NT5C2: variants seen among roughly 807,000 people sequenced by gnomAD.
The protein encoded by NT5C2 is cytosolic purine 5'-nucleotidase.
Under a neutral mutation model 76.1 loss-of-function variants are expected in NT5C2, and 58 were observed. That is an observed-to-expected ratio of 0.76 (90% confidence interval 0.62 to 0.95). The LOEUF (loss-of-function observed/expected upper bound fraction) is 0.95, where lower values mean the gene tolerates loss of function less well. Among genes scored for constraint, NT5C2 ranks in the 40% least tolerant of loss-of-function variants. The pLI, the probability that NT5C2 is intolerant of heterozygous loss-of-function variation, is 0.00. For missense variants in NT5C2, 478 were observed against 690.3 expected, an observed-to-expected ratio of 0.69 and a Z score of 3.45; for synonymous variants, 229 against 237.4, an observed-to-expected ratio of 0.96 and a Z score of 0.32.
At chr10:103,095,819 G>C in intron 12 of NT5C2, 120 bp downstream of exon 12, 1 of 804,028 alleles carries the variant, frequency 1.2e-6, no homozygotes, top group Non-Finnish European at 2.1e-6. Flanking sequence ...TAGACAATAG[G>C]CTTAAAAAGT....
At chr10:103,097,102 T>C (rs1433536793) in intron 11 of NT5C2, among the ~76,000 whole-genome samples, 189 bp downstream of exon 11, 2 of 152,168 alleles carry the variant, frequency 1.3e-5, no homozygotes, top group African/African-American at 4.8e-5. Context: ...GTGAAAATGG[T>C]TAAAATAAAT....
chr10:103,172,044 T>A (rs1398562019), intron 3 of NT5C2, among the ~76,000 whole-genome samples: 1 of 151,824 alleles, frequency 6.6e-6, no homozygotes, highest in African/African-American at 2.4e-5. Context: ...ACCCTGTCTC[T>A]ACTAAAAATT....
At chr10:103,125,232 TC>T in intron 4 of NT5C2, 4 of 773,852 alleles carry the variant, frequency 5.2e-6, no homozygotes, top group African/African-American at 1.7e-5. Flanking sequence ...ACTACAATTT[TC>T]CCAGCTCTGT....
At chr10:103,143,994 C>T (rs915422543) in intron 3 of NT5C2, among the ~76,000 whole-genome samples, 2 of 152,088 alleles carry the variant, frequency 1.3e-5, no homozygotes, top group Non-Finnish European at 2.9e-5. Context: ...CTCCAGCCCC[C>T]AAACATATCA....
intron 4 of NT5C2, among the ~76,000 whole-genome samples, chr10:103,128,982 G>C (rs1299975068): frequency 5.4e-5 from 6 of 111,336 alleles, no homozygotes; most frequent in East Asian, 3.5e-4. Flanking sequence ...GGTAGGGGGG[G>C]GTCAACCCCC....
At chr10:103,111,832 C>CA (rs1220326178) in intron 4 of NT5C2, 5 of 1,225,636 alleles carry the variant, frequency 4.1e-6, no homozygotes, top group African/African-American at 1.6e-5. Context: ...AGCAACAAAA[C>CA]AAAACAAAAA....
intron 3 of NT5C2, among the ~76,000 whole-genome samples, chr10:103,164,258 C>CT (rs953099909): frequency 2.3e-4 from 34 of 148,744 alleles, no homozygotes; most frequent in Middle Eastern, 3.5e-3. Flanking sequence ...AAAAACAATG[C>CT]TTTTTTTTTT....
At chr10:103,183,283 A>ATTT (rs1367860799) in intron 1 of NT5C2, among the ~76,000 whole-genome samples, 1,482 of 130,330 alleles carry the variant, frequency 0.011, 31 homozygotes, top group South Asian at 0.035. Flanking sequence ...ATATATATAT[A>ATTT]TATATATATA....
At chr10:103,098,382 T>C (rs557581101) in intron 10 of NT5C2, 1 of 225,096 alleles carries the variant, frequency 4.4e-6, no homozygotes, top group African/African-American at 2.4e-5. Flanking sequence ...TGTTGACAGG[T>C]TAAAGGCATT....
At chr10:103,189,996 T>C (rs1256674991) in intron 1 of NT5C2, among the ~76,000 whole-genome samples, 2 of 124,014 alleles carry the variant, frequency 1.6e-5, no homozygotes, top group African/African-American at 6.9e-5. Flanking sequence ...TTTGTGGCTT[T>C]CTTTTTTTTT....
At chr10:103,162,673 T>C (rs1344068294) in intron 3 of NT5C2, among the ~76,000 whole-genome samples, 1 of 152,172 alleles carries the variant, frequency 6.6e-6, no homozygotes, top group Non-Finnish European at 1.5e-5. Context: ...GCTTAACCTA[T>C]GGCCCAGCAA....
chr10:103,179,312 C>T (rs1384594235), intron 2 of NT5C2, among the ~76,000 whole-genome samples: 1 of 152,140 alleles, frequency 6.6e-6, no homozygotes, highest in Non-Finnish European at 1.5e-5. Flanking sequence ...TTCTTTATTA[C>T]ATCAGATCCA....
intron 12 of NT5C2, among the ~76,000 whole-genome samples, chr10:103,094,819 T>A (rs1288375141): frequency 6.7e-6 from 1 of 149,914 alleles, no homozygotes; most frequent in Non-Finnish European, 1.5e-5. Flanking sequence ...GAGGGGGAGG[T>A]TGCAGTGAGC....
intron 3 of NT5C2, among the ~76,000 whole-genome samples, chr10:103,155,944 G>A (rs1221861071): frequency 6.6e-6 from 1 of 152,112 alleles, no homozygotes; most frequent in Non-Finnish European, 1.5e-5. Flanking sequence ...TGGGAGGACT[G>A]CTTGAGGCCA....
At chr10:103,166,729 T>G (rs1192897856) in intron 3 of NT5C2, among the ~76,000 whole-genome samples, 2 of 152,138 alleles carry the variant, frequency 1.3e-5, no homozygotes, top group Non-Finnish European at 2.9e-5. Context: ...CAAAACTCAT[T>G]GCAACCTCAA....
intron 4 of NT5C2, among the ~76,000 whole-genome samples, chr10:103,115,006 G>A (rs2073991949): frequency 6.6e-6 from 1 of 152,188 alleles, no homozygotes; most frequent in African/African-American, 2.4e-5. Flanking sequence ...TTATCTGCAT[G>A]ATAAAACAAA....
intron 12 of NT5C2, 129 bp downstream of exon 12, chr10:103,095,810 A>G: frequency 2.6e-6 from 2 of 755,058 alleles, no homozygotes; most frequent in Non-Finnish European, 4.5e-6. Flanking sequence ...AATGAAGATT[A>G]GACAATAGGC....
chr10:103,151,067 C>T (rs1246040652), intron 3 of NT5C2, among the ~76,000 whole-genome samples: 4 of 152,082 alleles, frequency 2.6e-5, no homozygotes, highest in Non-Finnish European at 5.9e-5. Flanking sequence ...GGTCTATGAT[C>T]CATTTATTTT....
Position 103,088,393 on chromosome 10 carries a change from T to G in NT5C2, c.*1279A>C, listed in dbSNP as rs2065956528. On this transcript the variant is annotated 3_prime_UTR_variant, in exon 19 of 19. Coordinates refer to ENST00000404739, the MANE Select transcript of NT5C2 (RefSeq NM_001351169.2). The stretch of plus-strand genomic sequence containing the variant: ...TGATTTCGACTTGGGATTGGGATTT[T>G]TATTTTTTGAGATGGAGTTTTGTTC... The G allele has an allele frequency of 6.6e-6, 1 of 152,348 alleles. No individual in the cohort carries two copies. The highest frequency in any genetic ancestry group is 1.5e-5 in the Non-Finnish European group (1 of 68,038). 9.4% of individuals were successfully genotyped at this position (152,348 alleles called of 1,614,324 possible). A position where few individuals can be genotyped will look rare whatever the true frequency, so the allele number is the denominator to read the frequency against.
Sources: gnomAD v4.1 joint callset for allele counts (sites outside exome capture counted in the v4.1 genomes callset) on GRCh38, gnomAD v4.1.1 for gene constraint, MANE v1.5 for transcripts, NCBI Gene and HGNC (gene_info 2026-07-23, HGNC 2026-07-21) for gene names.